The following GAR1 variants were observed in gnomAD, a reference collection of about 807,000 sequenced individuals.
GAR1 encodes H/ACA ribonucleoprotein complex subunit 1.
A neutral mutation model predicts 29.3 loss-of-function variants in GAR1; 11 were observed. The observed-to-expected ratio is 0.38, with a 90% confidence interval of 0.24 to 0.62. The LOEUF (loss-of-function observed/expected upper bound fraction) is 0.62. Among genes scored for constraint, GAR1 ranks in the 20% least tolerant of loss-of-function variants. The pLI, the probability that GAR1 is intolerant of heterozygous loss-of-function variation, is 0.62. For missense variants in GAR1, 237 were observed against 268.4 expected (o/e 0.88, Z 0.82); for synonymous variants, 87 against 93.3 (o/e 0.93, Z 0.39).
chr4:109,824,387 G>A, intron 6 of GAR1, 31 bp from the exon 7 acceptor site: 1 of 1,500,452 alleles, frequency 6.7e-7, no homozygotes, highest in Admixed American at 1.7e-5. Flanking sequence ...CATTTTCTGT[G>A]CCCTTAATAC....
chr4:109,816,799 G>T (rs758610673), intron 2 of GAR1, among the ~76,000 whole-genome samples: 3 of 152,146 alleles, frequency 2.0e-5, no homozygotes, highest in Non-Finnish European at 4.4e-5. Flanking sequence ...TTAGAGACCA[G>T]CCTGGATAAT....
rs981575212 is a variant in GAR1, at chr4:109,823,485, T to C, written c.572-480T>C. On this transcript the variant is annotated intron_variant, in intron 5 of 6. Coordinates refer to ENST00000226796, the MANE Select transcript of GAR1 (RefSeq NM_018983.4). ...AAAATTCACAGCTGTCTTATTTTTT[T>C]AAAATCTTACTTATGTAGCTCAGTT... 2.0e-5 allele frequency among the ~76,000 whole-genome samples: 3 copies of C among 151,924 alleles called. No individual in the cohort carries two copies. The East Asian group carries it at 5.9e-4, about 30-fold the overall frequency.
At chr4:109,823,356 G>A (rs942931893) in intron 5 of GAR1, among the ~76,000 whole-genome samples, 1 of 152,090 alleles carries the variant, frequency 6.6e-6, no homozygotes, top group African/African-American at 2.4e-5. Context: ...GTATTTTTTT[G>A]TGTCCATATA....
At position 109,824,089 on chromosome 4, in the gene GAR1, G is replaced by C. The variant is rs376143536; in HGVS notation, c.640+56G>C. On this transcript the variant is annotated intron_variant, in intron 6 of 6. Coordinates refer to ENST00000226796, the MANE Select transcript of GAR1 (RefSeq NM_018983.4). The stretch of plus-strand genomic sequence containing the variant: ...TAATGTTTAAAATTGATATTATCTG[G>C]CATTTTCTGTTTTTACTTAAGTTTA... 29 of 1,169,854 alleles carry C rather than the reference G, an allele frequency of 2.5e-5. No individual in the cohort carries two copies. The African/African-American group carries it at 4.1e-4, about 17-fold the overall frequency. 72.5% of individuals were successfully genotyped at this position (1,169,854 alleles called of 1,614,324 possible).
intron 5 of GAR1, 192 bp downstream of exon 5, chr4:109,822,680 T>G: frequency 2.1e-6 from 1 of 487,602 alleles, no homozygotes; most frequent in East Asian, 3.8e-5. Context: ...GAAGAAAATC[T>G]ACTAAAGTAT....
chr4:109,821,677 G>A (rs1196480437), intron 4 of GAR1, among the ~76,000 whole-genome samples: 3 of 151,788 alleles, frequency 2.0e-5, no homozygotes, highest in Non-Finnish European at 4.4e-5. Flanking sequence ...TTTTTCTTAC[G>A]GCAGTTCTGT....
rs746126091 is a variant in GAR1, at chr4:109,818,021, T to C, written c.300T>C (p.Ala100=). 6.9e-6 allele frequency: 11 copies of C among 1,603,830 alleles called. No individual in the cohort carries two copies. The highest frequency in any genetic ancestry group is 9.4e-6 in the Non-Finnish European group (11 of 1,172,276). ...TDENKVPYFN[A]PVYLENKEQI... is the part of the protein sequence containing the mutation. ...AAAATAAGGTGCCTTATTTCAATGC[T>C]CCTGTTTACTTAGAAAACAAAGAAC... The change falls in exon 3 of 7, where the codon GCT becomes GCC. Residue 100 remains alanine (A), a synonymous_variant. Transcript: ENST00000226796.
chr4:109,816,886 TGTTA>T (rs1424855105), intron 2 of GAR1, among the ~76,000 whole-genome samples: 4 of 152,228 alleles, frequency 2.6e-5, no homozygotes, highest in Non-Finnish European at 5.9e-5. Flanking sequence ...CCATGCTTTC[TGTTA>T]CTACTCAAAA....
chr4:109,822,482 A>G lies in GAR1; in HGVS notation c.565A>G (p.Arg189Gly), dbSNP rs1331399857. ...GRGGGGRGGGRGGGFRGGRGG... is the reference protein window; with the variant it reads ...GRGGGGRGGGGGGGFRGGRGG... ...AGGAGGAGGTGGCAGAGGTGGTGGCAGAGGCGGTAAGTTACTTGGGGAAAA... is the reference window on the plus strand; with the variant it reads ...AGGAGGAGGTGGCAGAGGTGGTGGCGGAGGCGGTAAGTTACTTGGGGAAAA... Residue 189 changes from arginine to glycine, a missense_variant, in exon 5 of 7, where the codon AGA (arginine) becomes GGA (glycine). Coordinates refer to ENST00000226796, the MANE Select transcript of GAR1 (RefSeq NM_018983.4). The G allele has an allele frequency of 5.6e-6, 9 of 1,594,540 alleles. No individual in the cohort carries two copies. The highest frequency in any genetic ancestry group is 7.7e-6 in the Non-Finnish European group (9 of 1,173,462).
At chr4:109,817,076 T>A (rs560604100) in intron 2 of GAR1, among the ~76,000 whole-genome samples, 4 of 152,250 alleles carry the variant, frequency 2.6e-5, no homozygotes, top group Admixed American at 2.6e-4. Context: ...TAACTAAGAA[T>A]GGCTTGGATG....
At chr4:109,822,219 A>T in intron 4 of GAR1, 128 bp from the exon 5 acceptor site, 1 of 555,128 alleles carries the variant, frequency 1.8e-6, no homozygotes, top group African/African-American at 2.0e-5. Context: ...CTACCCAGGG[A>T]TATGTAGTAG....
intron 4 of GAR1, among the ~76,000 whole-genome samples, chr4:109,820,523 C>T (rs973464407): frequency 6.6e-6 from 1 of 151,812 alleles, no homozygotes; most frequent in Admixed American, 6.6e-5. Context: ...TTTGGGGCAC[C>T]TCCTAAAACT....
intron 4 of GAR1, among the ~76,000 whole-genome samples, chr4:109,821,041 C>T (rs1175632370): frequency 6.6e-6 from 1 of 152,128 alleles, no homozygotes; most frequent in East Asian, 1.9e-4. Context: ...ATTACAGATA[C>T]TAACTTGAGT....
intron 4 of GAR1, among the ~76,000 whole-genome samples, chr4:109,821,075 A>G (rs558176696): frequency 2.0e-5 from 3 of 152,138 alleles, no homozygotes; most frequent in African/African-American, 7.2e-5. Flanking sequence ...CCCGGTTTCC[A>G]TACCCCCTGC....
intron 2 of GAR1, among the ~76,000 whole-genome samples, chr4:109,817,691 A>G (rs1733392707): frequency 1.3e-5 from 2 of 152,198 alleles, no homozygotes; most frequent in South Asian, 2.1e-4. Flanking sequence ...ATTATATGTT[A>G]TTAGTGCATA....
intron 4 of GAR1, 137 bp from the exon 5 acceptor site, chr4:109,822,210 T>C: frequency 2.3e-6 from 1 of 440,732 alleles, no homozygotes; most frequent in Non-Finnish European, 4.1e-6. Flanking sequence ...ATTAAGTCTC[T>C]ACCCAGGGAT....
At position 109,816,161 on chromosome 4, in the gene GAR1, G is replaced by A. The variant is rs953434629; in HGVS notation, c.-4G>A. 2.5e-6 allele frequency: 4 copies of A among 1,611,276 alleles called. No homozygotes were observed. Among genetic ancestry groups the A allele is most frequent in the Non-Finnish European group, 2.5e-6 (3 of 1,179,228 alleles). On this transcript the variant is annotated 5_prime_UTR_variant, in exon 2 of 7. Coordinates refer to ENST00000226796, the MANE Select transcript of GAR1 (RefSeq NM_018983.4). ...CGTTTTTTTTTCATCAGGGAGGAGA[G>A]AGAATGTCTTTTCGAGGCGGAGGTC...
chr4:109,822,548 A>C, intron 5 of GAR1, 60 bp downstream of exon 5: 1 of 1,540,706 alleles, frequency 6.5e-7, no homozygotes, highest in Non-Finnish European at 8.7e-7. Flanking sequence ...GCTAATTCAT[A>C]CAATACAATT....
intron 4 of GAR1, 61 bp downstream of exon 4, chr4:109,819,121 A>T: frequency 1.2e-6 from 1 of 868,052 alleles, no homozygotes; most frequent in Non-Finnish European, 2.0e-6. Context: ...CTATCTTAGG[A>T]AAGTCCTACT....
Sources: allele counts gnomAD v4.1 joint callset (sites outside exome capture counted in the v4.1 genomes callset), GRCh38; gene constraint gnomAD v4.1.1; transcripts MANE v1.5; gene names NCBI Gene and HGNC (gene_info 2026-07-23, HGNC 2026-07-21).